The following PVT1 variants were observed in gnomAD, a reference collection of about 807,000 sequenced individuals.
PVT1 encodes Pvt1 oncogene.
At chr8:128,079,823 C>T (rs546164934) in intron 5 of PVT1, among the ~76,000 whole-genome samples, 3 of 152,200 alleles carry the variant, frequency 2.0e-5, no homozygotes, top group Admixed American at 2.0e-4. Context: ...CTCCTGGGTT[C>T]AAGCAATTCT....
At chr8:128,047,297 G>C (rs1349303101) in intron 4 of PVT1, among the ~76,000 whole-genome samples, 1 of 152,228 alleles carries the variant, frequency 6.6e-6, no homozygotes, top group East Asian at 1.9e-4. Context: ...AGAGAGGTTG[G>C]TGTCTTGCTG....
chr8:127,794,527 G>A (rs1459087308), upstream of PVT1: 1 of 151,154 alleles, frequency 6.6e-6, no homozygotes, highest in Non-Finnish European at 1.5e-5. Flanking sequence ...CGCCAGCCCC[G>A]CGCTCCTCCG....
intron 4 of PVT1, among the ~76,000 whole-genome samples, chr8:128,067,746 G>A (rs762174121): frequency 2.6e-5 from 4 of 151,958 alleles, no homozygotes; most frequent in South Asian, 2.1e-4. Flanking sequence ...TGTGACCAGC[G>A]ACCAGGGAGG....
chr8:127,858,385 T>A (rs1290263304), intron 2 of PVT1, among the ~76,000 whole-genome samples: 2 of 151,024 alleles, frequency 1.3e-5, no homozygotes, highest in Non-Finnish European at 2.9e-5. Flanking sequence ...CCAGCCTGGG[T>A]GACAGAGTGA....
chr8:127,843,484 C>T (rs1814995466), intron 2 of PVT1, among the ~76,000 whole-genome samples: 2 of 151,812 alleles, frequency 1.3e-5, no homozygotes, highest in South Asian at 2.1e-4. Context: ...GCTCAGTTGC[C>T]CAGGCTGGAG....
chr8:127,895,089 G>T (rs530683562), intron 3 of PVT1, among the ~76,000 whole-genome samples: 131 of 152,326 alleles, frequency 8.6e-4, no homozygotes, highest in Non-Finnish European at 1.6e-3. Flanking sequence ...TATTCTCTGG[G>T]ATTGAATTAT....
chr8:127,989,747 C>T (rs1390595774), intron 4 of PVT1, among the ~76,000 whole-genome samples: 2 of 152,146 alleles, frequency 1.3e-5, no homozygotes, highest in East Asian at 3.8e-4. Flanking sequence ...GAATTCTATG[C>T]TCCTTCCACA....
At chr8:127,796,761 G>A (rs1024496450) in intron 2 of PVT1, among the ~76,000 whole-genome samples, 6 of 152,060 alleles carry the variant, frequency 3.9e-5, no homozygotes, top group Non-Finnish European at 8.8e-5. Context: ...GCTGATGGCT[G>A]CCCCTTTGCT....
intron 2 of PVT1, among the ~76,000 whole-genome samples, chr8:127,845,485 G>A (rs988850043): frequency 6.6e-6 from 1 of 152,232 alleles, no homozygotes; most frequent in Non-Finnish European, 1.5e-5. Context: ...AGTATTTGAA[G>A]CATTTGAAAG....
chr8:128,017,662 C>A (rs1294955414), intron 4 of PVT1, among the ~76,000 whole-genome samples: 1 of 151,876 alleles, frequency 6.6e-6, no homozygotes, highest in Non-Finnish European at 1.5e-5. Context: ...GTCTCAAACT[C>A]CTGGGCTCAA....
At chr8:127,906,827 C>G (rs956913370) in intron 3 of PVT1, among the ~76,000 whole-genome samples, 1 of 152,142 alleles carries the variant, frequency 6.6e-6, no homozygotes, top group East Asian at 1.9e-4. Flanking sequence ...ATATTTCTCT[C>G]AGCAACCCAA....
At chr8:128,054,352 C>A (rs1482187726) in intron 4 of PVT1, among the ~76,000 whole-genome samples, 22 of 152,112 alleles carry the variant, frequency 1.4e-4, no homozygotes, top group Admixed American at 1.4e-3. Context: ...ATGGCAATGA[C>A]CTGTGCCTAA....
intron 3 of PVT1, among the ~76,000 whole-genome samples, chr8:127,930,976 C>G (rs111315507): frequency 2.0e-5 from 3 of 152,060 alleles, no homozygotes; most frequent in African/African-American, 7.2e-5. Flanking sequence ...TCAGTGGTGC[C>G]GTCACTGCAG....
In PVT1 at chr8:127,952,663, T is replaced by A. The variant is rs1195872860; in HGVS notation, n.783-36499T>A. On this transcript the variant is annotated intron_variant and non_coding_transcript_variant, in intron 3 of 10. Transcript: ENST00000651587. ...AGTCATACTTTGAAACAAAATGTAATATGTGCCCTCATTTTCCGATGAGGC... is the reference window on the plus strand; with the variant it reads ...AGTCATACTTTGAAACAAAATGTAAAATGTGCCCTCATTTTCCGATGAGGC... Among the ~76,000 whole-genome samples, 28 of 152,232 alleles carry A rather than the reference T, an allele frequency of 1.8e-4. 1 individual carries two copies. Among genetic ancestry groups the A allele is most frequent in the Admixed American group, 1.8e-3 (28 of 15,272 alleles).
intron 3 of PVT1, among the ~76,000 whole-genome samples, chr8:127,970,289 G>GTTTTTTT (rs68010926): frequency 0.019 from 926 of 49,112 alleles, 311 homozygotes; most frequent in East Asian, 0.04. Context: ...GCCATGATTT[G>GTTTTTTT]TTTTTTTTTT....
chr8:127,857,047 G>T (rs187072743), intron 2 of PVT1, among the ~76,000 whole-genome samples: 2 of 152,112 alleles, frequency 1.3e-5, no homozygotes, highest in Admixed American at 1.3e-4. Flanking sequence ...CCAACATGGC[G>T]AAACCCTGTC....
chr8:127,953,000 G>A (rs572274023), intron 3 of PVT1, among the ~76,000 whole-genome samples: 20 of 152,170 alleles, frequency 1.3e-4, no homozygotes, highest in East Asian at 7.7e-4. Context: ...TCCTGCCCTC[G>A]TGATCCGCCC....
At chr8:127,867,324 A>G (rs1456466467) in intron 2 of PVT1, among the ~76,000 whole-genome samples, 8 of 152,240 alleles carry the variant, frequency 5.3e-5, no homozygotes, top group African/African-American at 1.9e-4. Context: ...AAGGAGACCC[A>G]TCAGCTCCTC....
chr8:127,922,915 C>T (rs570922048), intron 3 of PVT1, among the ~76,000 whole-genome samples: 2 of 152,336 alleles, frequency 1.3e-5, no homozygotes, highest in Admixed American at 6.5e-5. Context: ...CCAAAAGAGT[C>T]ACGGGAGTCC....
Sources: allele counts gnomAD v4.1 joint callset (sites outside exome capture counted in the v4.1 genomes callset), GRCh38; gene constraint gnomAD v4.1.1; transcripts MANE v1.5; gene names NCBI Gene and HGNC (gene_info 2026-07-23, HGNC 2026-07-21).